The following SPATA6 variants were observed in gnomAD, a reference collection of about 807,000 sequenced individuals.
SPATA6 encodes the protein spermatogenesis-associated protein 6.
SPATA6 carries 56 observed loss-of-function variants against 65.3 expected under a neutral mutation model. That is an observed-to-expected ratio of 0.86 (90% CI 0.69 to 1.07). SPATA6 has a LOEUF of 1.07. Among genes scored for constraint, SPATA6 ranks in the 50% least tolerant of loss-of-function variants. The pLI is 0.00. For synonymous variants in SPATA6, 199 were observed against 213.2 expected, an observed-to-expected ratio of 0.93 and a Z score of 0.58; for missense variants, 590 against 594.8, an observed-to-expected ratio of 0.99 and a Z score of 0.08.
chr1:48,306,271 C>T (rs1271414134), intron 11 of SPATA6, among the ~76,000 whole-genome samples: 1 of 151,860 alleles, frequency 6.6e-6, no homozygotes, highest in Non-Finnish European at 1.5e-5. Context: ...TAGATACAAG[C>T]ATTCTAACAT....
chr1:48,455,457 A>G (rs1250298662), intron 1 of SPATA6, among the ~76,000 whole-genome samples: 6 of 150,364 alleles, frequency 4.0e-5, no homozygotes, highest in Non-Finnish European at 8.9e-5. Flanking sequence ...GTCTAGGCTC[A>G]CTGCAAGCTC....
At chr1:48,302,590 T>C (rs757197182) in intron 12 of SPATA6, among the ~76,000 whole-genome samples, 5 of 152,224 alleles carry the variant, frequency 3.3e-5, no homozygotes, top group Admixed American at 6.5e-5. Flanking sequence ...AATGGATCTG[T>C]ATGTGGCTTT....
In SPATA6 at chr1:48,299,273, G is replaced by A. The variant is rs181261842; in HGVS notation, c.1287-380C>T. On this transcript the variant is annotated intron_variant, in intron 12 of 12. Transcript: ENST00000371847. The stretch of plus-strand genomic sequence containing the variant: ...TCACGCCTATAATCCCAGCACTTTG[G>A]GAGGCTGAGACGAGCAAATCACCTG... Among the ~76,000 whole-genome samples, 24 of 152,020 alleles carry A rather than the reference G, an allele frequency of 1.6e-4. 1 individual carries two copies. The East Asian group carries it at 4.3e-3, about 27-fold the overall frequency.
At chr1:48,471,207 T>C (rs981087133) in intron 1 of SPATA6, among the ~76,000 whole-genome samples, 2 of 152,164 alleles carry the variant, frequency 1.3e-5, no homozygotes, top group Non-Finnish European at 2.9e-5. Flanking sequence ...CACAGGAGGA[T>C]GGAGGAAAGC....
chr1:48,271,204 C>T, the SPATA6 span, among the ~76,000 whole-genome samples: 1 of 152,114 alleles, frequency 6.6e-6, no homozygotes, highest in Non-Finnish European at 1.5e-5. Flanking sequence ...TTATACTTAT[C>T]ACCCCTTGCA....
chr1:48,449,592 A>G (rs1309138320), intron 3 of SPATA6, among the ~76,000 whole-genome samples: 7 of 152,214 alleles, frequency 4.6e-5, no homozygotes, highest in Non-Finnish European at 1.0e-4. Context: ...CAGTATTAAA[A>G]ACAAAAAAGG....
At chr1:48,444,956 G>C (rs973811959) in intron 3 of SPATA6, among the ~76,000 whole-genome samples, 2 of 152,266 alleles carry the variant, frequency 1.3e-5, no homozygotes, top group East Asian at 1.9e-4. Flanking sequence ...TGACAATCTG[G>C]AGCATGTTCA....
chr1:48,393,532 G>T (rs989342934), intron 8 of SPATA6, among the ~76,000 whole-genome samples: 2 of 152,030 alleles, frequency 1.3e-5, no homozygotes, highest in African/African-American at 4.8e-5. Context: ...AGGACAACTG[G>T]CAAAATCTGA....
intron 9 of SPATA6, among the ~76,000 whole-genome samples, chr1:48,376,359 T>A (rs778164050): frequency 6.6e-5 from 10 of 152,138 alleles, no homozygotes; most frequent in Non-Finnish European, 1.5e-4. Flanking sequence ...GCAGAAAAAT[T>A]TAGAGTTCTG....
chr1:48,408,405 T>C (rs185377882), intron 5 of SPATA6, among the ~76,000 whole-genome samples: 4 of 152,324 alleles, frequency 2.6e-5, no homozygotes, highest in Non-Finnish European at 2.9e-5. Flanking sequence ...TAGTAAAGGA[T>C]AGAGAGTAAG....
the SPATA6 span, among the ~76,000 whole-genome samples, chr1:48,290,029 G>A: frequency 2.5e-3 from 375 of 152,238 alleles, 1 homozygote; most frequent in South Asian, 7.5e-3. Context: ...TGAGAAGAGC[G>A]ACTACAAGAC....
At position 48,297,384 on chromosome 1, in the gene SPATA6, T is replaced by C. The variant is rs1161072236; in HGVS notation, c.*1329A>G. On this transcript the variant is annotated 3_prime_UTR_variant, in exon 13 of 13. Transcript: ENST00000371847. The stretch of plus-strand genomic sequence containing the variant: ...ATGGGATACTAAAGCCTAGGACTCC[T>C]GGCTCATAGAGATAGCTCTAATGCC... 1 of 152,134 alleles carries C rather than the reference T, an allele frequency of 6.6e-6. No homozygotes were observed. The highest frequency in any genetic ancestry group is 1.5e-5 in the Non-Finnish European group (1 of 68,008). 9.4% of individuals were successfully genotyped at this position (152,134 alleles called of 1,614,324 possible).
the SPATA6 span, among the ~76,000 whole-genome samples, chr1:48,280,311 A>C: frequency 6.6e-6 from 1 of 152,224 alleles, no homozygotes; most frequent in African/African-American, 2.4e-5. Flanking sequence ...AAGCTAGCAG[A>C]AGGCAAGAAA....
intron 11 of SPATA6, among the ~76,000 whole-genome samples, chr1:48,335,762 A>G (rs1163161666): frequency 6.6e-6 from 1 of 152,184 alleles, no homozygotes; most frequent in Non-Finnish European, 1.5e-5. Context: ...AGCAATTGCA[A>G]CAAAAGCAAA....
intron 8 of SPATA6, among the ~76,000 whole-genome samples, chr1:48,389,940 G>A (rs560316559): frequency 6.6e-6 from 1 of 151,996 alleles, no homozygotes; most frequent in Admixed American, 6.6e-5. Context: ...CAAACAATAA[G>A]AGAAAAAGAA....
intron 11 of SPATA6, among the ~76,000 whole-genome samples, chr1:48,350,142 G>A (rs1646476659): frequency 6.6e-6 from 1 of 151,660 alleles, no homozygotes; most frequent in South Asian, 2.1e-4. Flanking sequence ...TGGGTGTATG[G>A]TGGTATATCA....
chr1:48,472,115 T>A lies in SPATA6; in HGVS notation c.-107A>T. ...GGAGGAGACGAGGTGGCGGCGGCGG[T>A]GGCAGCAGTGGCCCCCAGGCCGGGG... On this transcript the variant is annotated 5_prime_UTR_variant, in exon 1 of 13. Transcript: ENST00000371847. 1.2e-6 allele frequency: 1 copy of A among 860,332 alleles called. No individual in the cohort carries two copies. The highest frequency in any genetic ancestry group is 1.7e-6 in the Non-Finnish European group (1 of 594,472). The allele number at this position is 860,332 out of a possible 1,614,324, so 53.3% of individuals were successfully genotyped here. A position where few individuals can be genotyped will look rare whatever the true frequency, so the allele number is the denominator to read the frequency against.
chr1:48,294,131 CAGTGGCA>C (rs1296116604), downstream of SPATA6, among the ~76,000 whole-genome samples: 1 of 152,162 alleles, frequency 6.6e-6, no homozygotes, highest in Non-Finnish European at 1.5e-5. Flanking sequence ...GGCTGAAGTG[CAGTGGCA>C]CAGTCTTGGC....
chr1:48,436,781 A>G, intron 3 of SPATA6: 2 of 1,614,204 alleles, frequency 1.2e-6, no homozygotes, highest in East Asian at 2.2e-5. Flanking sequence ...CAGGACATGC[A>G]TAGAACTCAG....
Sources: gnomAD v4.1 joint callset for allele counts (sites outside exome capture counted in the v4.1 genomes callset) on GRCh38, gnomAD v4.1.1 for gene constraint, MANE v1.5 for transcripts, NCBI Gene and HGNC (gene_info 2026-07-23, HGNC 2026-07-21) for gene names.